The following ATG16L1 variants were observed in gnomAD, a reference collection of about 807,000 sequenced individuals.
ATG16L1 encodes the protein autophagy related 16 like 1.
Under a neutral mutation model 88.5 loss-of-function variants are expected in ATG16L1, and 37 were observed. That is an observed-to-expected ratio of 0.42 (90% CI 0.32 to 0.55). The LOEUF (loss-of-function observed/expected upper bound fraction) is 0.55. Ranked by LOEUF, ATG16L1 falls within the 20% of genes least tolerant of loss-of-function variation. The probability of loss-of-function intolerance (pLI) is 0.13; values close to 1 mark genes in which losing one functional copy is unlikely to be tolerated. For missense variants in ATG16L1, 554 were observed against 752.8 expected (o/e 0.74, Z 3.09); for synonymous variants, 301 against 281.0 (o/e 1.07, Z -0.71).
chr2:233,260,200 C>T (rs1171198629), intron 2 of ATG16L1, among the ~76,000 whole-genome samples: 1 of 152,208 alleles, frequency 6.6e-6, no homozygotes, highest in African/African-American at 2.4e-5. Flanking sequence ...CAGACTTTCT[C>T]TTAAGTATTT....
chr2:233,273,181 C>T, intron 7 of ATG16L1, 129 bp downstream of exon 7: 6 of 699,658 alleles, frequency 8.6e-6, no homozygotes, highest in South Asian at 3.4e-5. Context: ...CACCCAGCGT[C>T]GAACACACCA....
At chr2:233,259,545 G>A (rs1032465470) in intron 2 of ATG16L1, among the ~76,000 whole-genome samples, 1 of 152,188 alleles carries the variant, frequency 6.6e-6, no homozygotes, top group African/African-American at 2.4e-5. Flanking sequence ...TTGGCAACTC[G>A]ACTTGCTAGT....
At chr2:233,292,333 A>C in intron 15 of ATG16L1, 54 bp from the exon 16 acceptor site, 1 of 1,580,094 alleles carries the variant, frequency 6.3e-7, no homozygotes, top group Non-Finnish European at 8.5e-7. Context: ...TGCTCTCTTA[A>C]CGTGCTGCGT....
rs187746535 is a variant in ATG16L1, at chr2:233,259,133, G to T, written c.209+2938G>T. ...GCCAAGCAAGGAGGCAGGAGAACAG[G>T]TCTCAAATCCACCTCCTTGAAAACA... is the stretch of plus-strand genomic sequence containing the variant. On this transcript the variant is annotated intron_variant, in intron 2 of 17. Coordinates refer to ENST00000392017, the MANE Select transcript of ATG16L1 (RefSeq NM_030803.7). Among the ~76,000 whole-genome samples, 6 of 152,244 alleles carry T rather than the reference G, an allele frequency of 3.9e-5. No individual in the cohort carries two copies. In the East Asian group the frequency reaches 1.2e-3, roughly 29 times the overall value.
rs542986392 is a variant in ATG16L1 at position 233,279,120 on chromosome 2, G to A, written c.1060+1447G>A. ...TTGAGCCCAGGAGTGAGAGGCTGCT[G>A]TGAGCTCTGATCGCATCACTGCACT... On this transcript the variant is annotated intron_variant, in intron 10 of 17. Transcript: ENST00000392017. 6.6e-5 allele frequency among the ~76,000 whole-genome samples: 10 copies of A among 152,308 alleles called. No homozygotes were observed. In the East Asian group the frequency reaches 1.9e-3, roughly 29 times the overall value.
intron 6 of ATG16L1, among the ~76,000 whole-genome samples, chr2:233,272,339 A>C (rs1393077099): frequency 6.6e-6 from 1 of 152,222 alleles, no homozygotes; most frequent in African/African-American, 2.4e-5. Context: ...GGCTCTCCTA[A>C]TGTCAGAGAC....
At position 233,267,237 on chromosome 2, in the gene ATG16L1, T is replaced by C. The variant is rs145055773; in HGVS notation, c.641+2094T>C. Among the ~76,000 whole-genome samples the C allele has an allele frequency of 3.9e-3, 593 of 152,280 alleles. 9 individuals carry two copies. Among genetic ancestry groups the C allele is most frequent in the East Asian group, 0.028 (144 of 5,178 alleles). On this transcript the variant is annotated intron_variant, in intron 5 of 17. Transcript: ENST00000392017. ...GGTAGCGGATGCCTGTAATCCCAGC[T>C]ACTCAGGAGGCTGAGGCAGGAGAAT... is the stretch of plus-strand genomic sequence containing the variant.
chr2:233,289,799 G>A (rs1699338792), intron 12 of ATG16L1, 55 bp from the exon 13 acceptor site: 1 of 1,597,804 alleles, frequency 6.3e-7, no homozygotes, highest in Non-Finnish European at 8.6e-7. Context: ...TACTTTGCCA[G>A]CATAGGCAGG....
chr2:233,259,747 C>T (rs942977978), intron 2 of ATG16L1, among the ~76,000 whole-genome samples: 12 of 152,152 alleles, frequency 7.9e-5, no homozygotes, highest in Admixed American at 5.9e-4. Flanking sequence ...TCCTTCTTCC[C>T]TCTAGATCTT....
chr2:233,255,962 G>T, intron 1 of ATG16L1, 140 bp from the exon 2 acceptor site: 1 of 643,712 alleles, frequency 1.6e-6, no homozygotes, highest in Admixed American at 3.2e-5. Flanking sequence ...AGACATTCTT[G>T]CAGGTGATTC....
chr2:233,258,940 C>A lies in ATG16L1; in HGVS notation c.209+2745C>A, dbSNP rs142118608. Among the ~76,000 whole-genome samples, 26 of 152,262 alleles carry A rather than the reference C, an allele frequency of 1.7e-4. No homozygotes were observed. In the Middle Eastern group the frequency reaches 0.014, roughly 80 times the overall value. ...GTCTTTACTCCTGGGCTTAAGTGAT[C>A]CTCCCTCCTCAACCTTCCATTAGTG... On this transcript the variant is annotated intron_variant, in intron 2 of 17. Transcript: ENST00000392017.
At chr2:233,253,585 A>T (rs1441136935) in intron 1 of ATG16L1, among the ~76,000 whole-genome samples, 1 of 152,086 alleles carries the variant, frequency 6.6e-6, no homozygotes, top group Admixed American at 6.6e-5. Flanking sequence ...ACCTCAGGTG[A>T]TGTACCTGCC....
intron 2 of ATG16L1, among the ~76,000 whole-genome samples, chr2:233,259,195 G>T (rs1417392234): frequency 6.6e-6 from 1 of 152,160 alleles, no homozygotes; most frequent in Non-Finnish European, 1.5e-5. Context: ...AAGCAGGGTG[G>T]TCTAAAGTGT....
At chr2:233,273,082 G>C in intron 7 of ATG16L1, 30 bp downstream of exon 7, 1 of 1,579,684 alleles carries the variant, frequency 6.3e-7, no homozygotes, top group Non-Finnish European at 8.7e-7. Flanking sequence ...CCAGGGAAAA[G>C]ACAGCTTGAG....
At chr2:233,289,122 A>G (rs902944577) in intron 12 of ATG16L1, among the ~76,000 whole-genome samples, 2 of 152,214 alleles carry the variant, frequency 1.3e-5, no homozygotes, top group Admixed American at 6.5e-5. Context: ...TCAGACATAG[A>G]AAAATTACAA....
intron 2 of ATG16L1, 101 bp from the exon 3 acceptor site, chr2:233,263,029 T>A: frequency 1.0e-6 from 1 of 994,996 alleles, no homozygotes; most frequent in East Asian, 2.6e-5. Context: ...AACATGTTTC[T>A]GGAGTTATGG....
At chr2:233,266,588 T>A (rs1697599177) in intron 5 of ATG16L1, among the ~76,000 whole-genome samples, 2 of 152,186 alleles carry the variant, frequency 1.3e-5, no homozygotes, top group Non-Finnish European at 2.9e-5. Flanking sequence ...AAGAGTCTTT[T>A]AAAGGGAATA....
chr2:233,260,712 A>G (rs1697148976), intron 2 of ATG16L1, among the ~76,000 whole-genome samples: 1 of 152,076 alleles, frequency 6.6e-6, no homozygotes, highest in African/African-American at 2.4e-5. Context: ...AGTCTCTCCT[A>G]GCATTTCTGT....
intron 9 of ATG16L1, among the ~76,000 whole-genome samples, chr2:233,275,180 A>G (rs557148130): frequency 7.9e-5 from 12 of 152,200 alleles, no homozygotes; most frequent in Non-Finnish European, 1.8e-4. Context: ...TTATATCCCT[A>G]TCTGTATGAC....
Sources: allele counts gnomAD v4.1 joint callset (sites outside exome capture counted in the v4.1 genomes callset), GRCh38; gene constraint gnomAD v4.1.1; transcripts MANE v1.5; gene names NCBI Gene and HGNC (gene_info 2026-07-23, HGNC 2026-07-21).